The following SLC30A2 variants were observed in gnomAD, a reference collection of about 807,000 sequenced individuals.
SLC30A2 encodes the protein proton-coupled zinc antiporter SLC30A2.
A neutral mutation model predicts 39.6 loss-of-function variants in SLC30A2; 19 were observed. The ratio of observed to expected loss-of-function variants is 0.48; its 90% confidence interval spans 0.34 to 0.70. SLC30A2 has a LOEUF of 0.70. Ranked by LOEUF, SLC30A2 falls within the 30% of genes least tolerant of loss-of-function variation. The pLI, the probability that SLC30A2 is intolerant of heterozygous loss-of-function variation, is 0.01. For missense variants in SLC30A2, 387 were observed against 479.4 expected, an observed-to-expected ratio of 0.81 and a Z score of 1.80; for synonymous variants, 195 against 194.8, an observed-to-expected ratio of 1.00 and a Z score of -0.01.
chr1:26,040,793 A>G (rs1399387459), intron 6 of SLC30A2, among the ~76,000 whole-genome samples: 1 of 152,098 alleles, frequency 6.6e-6, no homozygotes, highest in Non-Finnish European at 1.5e-5. Context: ...CTAGAGCATA[A>G]GAAAGCCAAG....
chr1:26,043,274 G>C (rs1483795649), intron 4 of SLC30A2, 124 bp downstream of exon 4: 7 of 1,040,496 alleles, frequency 6.7e-6, no homozygotes. Context: ...AGACCATTAG[G>C]GAAGTTCTGT....
intron 5 of SLC30A2, among the ~76,000 whole-genome samples, chr1:26,042,266 C>T (rs959779360): frequency 1.3e-5 from 2 of 152,220 alleles, no homozygotes; most frequent in Non-Finnish European, 2.9e-5. Context: ...AACACACAGT[C>T]GTAGGCTTGA....
At chr1:26,044,469 G>C (rs1237299854) in intron 2 of SLC30A2, 25 bp from the exon 3 acceptor site, 14 of 1,608,602 alleles carry the variant, frequency 8.7e-6, no homozygotes, top group Non-Finnish European at 1.2e-5. Context: ...GTCCTTATCA[G>C]CTCCCCCAGA....
At chr1:26,040,965 C>T (rs1404741300) in intron 6 of SLC30A2, among the ~76,000 whole-genome samples, 1 of 149,888 alleles carries the variant, frequency 6.7e-6, no homozygotes, top group Non-Finnish European at 1.5e-5. Flanking sequence ...GACATGGTGG[C>T]ATGCGCCTGT....
chr1:26,046,022 CG>C lies in SLC30A2; in HGVS notation c.-127del, dbSNP rs2050460658. On this transcript the variant is annotated 5_prime_UTR_variant, in exon 1 of 8. Transcript: ENST00000374276. This position sits in a 1 kb window ranked among gnomAD's most constrained non-coding sequence, Gnocchi z 4.4. ...AGGGCCCCGCGAGGTGCGCTCACTC[CG>C]GCCCGGCTCCTGCGGCCCCTGAGCT... 1.4e-6 allele frequency: 2 copies of C among 1,393,640 alleles called. No homozygotes were observed. Among genetic ancestry groups the C allele is most frequent in the Non-Finnish European group, 9.2e-7 (1 of 1,084,642 alleles). 86.3% of individuals were successfully genotyped at this position (1,393,640 alleles called of 1,614,324 possible). A position where few individuals can be genotyped will look rare whatever the true frequency, so the allele number is the denominator to read the frequency against.
chr1:26,044,652 G>A (rs763919827), intron 2 of SLC30A2, among the ~76,000 whole-genome samples: 6 of 152,042 alleles, frequency 3.9e-5, no homozygotes, highest in Non-Finnish European at 5.9e-5. Context: ...CTACTTAGAG[G>A]GTGAATGTGC....
chr1:26,043,457 A>G lies in SLC30A2; in HGVS notation c.513T>C (p.Tyr171=). The G allele has an allele frequency of 3.7e-6, 6 of 1,614,136 alleles. No homozygotes were observed. Among genetic ancestry groups the G allele is most frequent in the Non-Finnish European group, 4.2e-6 (5 of 1,180,026 alleles). ...LAVERLISGD[Y]EIDGGTMLIT... ...TCAGCATGGTCCCCCCGTCAATTTC[A>G]TAGTCCCCAGAGATCAGCCGCTCCA... The change falls in exon 4 of 8, where the codon TAT becomes TAC. Residue 171 remains tyrosine (Y), a synonymous_variant. Coordinates refer to ENST00000374276, the MANE Select transcript of SLC30A2 (RefSeq NM_001004434.3).
At chr1:26,045,617 T>TC (rs1159775429) in intron 1 of SLC30A2, among the ~76,000 whole-genome samples, 3 of 152,086 alleles carry the variant, frequency 2.0e-5, no homozygotes, top group Admixed American at 1.3e-4. Context: ...GAACCGCCAA[T>TC]CCCCCGGCCC....
In SLC30A2 at chr1:26,039,418, C is replaced by T; in HGVS notation, c.974-113G>A. ...GCAGAACAGGATGGGGGACCATGAA[C>T]ATGGAGAAGCCCCCAGATTCCATTC... On this transcript the variant is annotated intron_variant, in intron 7 of 7. Transcript: ENST00000374276. This position sits in a 1 kb window ranked among gnomAD's most constrained non-coding sequence, Gnocchi z 4.3. 1 of 791,128 alleles carries T rather than the reference C, an allele frequency of 1.3e-6. No individual in the cohort carries two copies. The highest frequency in any genetic ancestry group is 2.0e-6 in the Non-Finnish European group (1 of 497,726). The allele number at this position is 791,128 out of a possible 1,614,324, so 49.0% of individuals were successfully genotyped here.
In SLC30A2 at chr1:26,039,727, G is replaced by A. The variant is rs1270723122; in HGVS notation, c.973+50C>T. On this transcript the variant is annotated intron_variant, in intron 7 of 7. Coordinates refer to ENST00000374276, the MANE Select transcript of SLC30A2 (RefSeq NM_001004434.3). This position sits in a 1 kb window ranked among gnomAD's most constrained non-coding sequence, Gnocchi z 4.3. ...CTGGACCCGTTGGGGATGGCACTAG[G>A]CCTTTGGCTGCCTGTCTCCCACCCC... 1.3e-6 allele frequency: 2 copies of A among 1,589,474 alleles called. No homozygotes were observed. Among genetic ancestry groups the A allele is most frequent in the African/African-American group, 2.7e-5 (2 of 74,442 alleles).
In SLC30A2 at chr1:26,039,309, G is replaced by C. The variant is rs1247828052; in HGVS notation, c.974-4C>G. The C allele has an allele frequency of 1.2e-6, 2 of 1,611,336 alleles. No individual in the cohort carries two copies. On this transcript the variant is annotated splice_polypyrimidine_tract_variant and splice_region_variant and intron_variant, in intron 7 of 7. Coordinates refer to ENST00000374276, the MANE Select transcript of SLC30A2 (RefSeq NM_001004434.3). This position sits in a 1 kb window ranked among gnomAD's most constrained non-coding sequence, Gnocchi z 4.3. ...GCCTGGGCGTCTGTATTCTGAGCTG[G>C]GGGCCGAGAGGACACAGCGGGGGAA...
rs1436063314 is a variant in SLC30A2, at chr1:26,042,697, G to A, written c.584C>T (p.Thr195Ile). The A allele has an allele frequency of 6.2e-7, 1 of 1,614,044 alleles. No individual in the cohort carries two copies. The highest frequency in any genetic ancestry group is 1.1e-5 in the South Asian group (1 of 91,084). The change falls in exon 5 of 8, where the codon ACC (threonine) becomes ATC (isoleucine). Residue 195 changes from threonine to isoleucine, a missense_variant. Thr to Ile is a moderately conservative substitution (Grantham distance 89). Coordinates refer to ENST00000374276, the MANE Select transcript of SLC30A2 (RefSeq NM_001004434.3). ...GTGCCCATGGCCAGACTGGTGAAGG[G>A]TCAACCCCATTCTATGGAAGTGGAG... is the stretch of plus-strand genomic sequence containing the variant. ...AVAVNIIMGL[T>I]LHQSGHGHSH...
Position 26,044,986 on chromosome 1 carries a change from A to G in SLC30A2, c.271+11T>C, listed in dbSNP as rs748569420. 1.9e-6 allele frequency: 3 copies of G among 1,613,310 alleles called. No individual in the cohort carries two copies. Among genetic ancestry groups the G allele is most frequent in the South Asian group, 2.2e-5 (2 of 91,054 alleles). On this transcript the variant is annotated intron_variant, in intron 2 of 7. Coordinates refer to ENST00000374276, the MANE Select transcript of SLC30A2 (RefSeq NM_001004434.3). ...GCACCAACTTCATTTAATTAGCCCA[A>G]AAGTGCTTACCAACGACTTCTCCGA...
Position 26,045,353 on chromosome 1 carries a change from G to A in SLC30A2, c.51-136C>T, listed in dbSNP as rs1325831128. The A allele has an allele frequency of 7.2e-6, 5 of 691,168 alleles. No individual in the cohort carries two copies. The East Asian group carries it at 8.1e-5, about 11-fold the overall frequency. 42.8% of individuals were successfully genotyped at this position (691,168 alleles called of 1,614,324 possible). A position where few individuals can be genotyped will look rare whatever the true frequency, so the allele number is the denominator to read the frequency against. ...GACGCTCCGAGCTCGACAAACCAGA[G>A]GTGAGAAGCCTGTATTCAGACGGGG... is the stretch of plus-strand genomic sequence containing the variant. On this transcript the variant is annotated intron_variant, in intron 1 of 7. Coordinates refer to ENST00000374276, the MANE Select transcript of SLC30A2 (RefSeq NM_001004434.3).
intron 2 of SLC30A2, among the ~76,000 whole-genome samples, chr1:26,044,778 C>T (rs529711453): frequency 6.6e-6 from 1 of 152,376 alleles, no homozygotes; most frequent in South Asian, 2.1e-4. Context: ...TGGCAAGTTA[C>T]TTCACCTGAA....
chr1:26,045,785 C>G, intron 1 of SLC30A2, 62 bp downstream of exon 1: 2 of 1,612,788 alleles, frequency 1.2e-6, no homozygotes, highest in Non-Finnish European at 1.7e-6. Context: ...GCTAGGATGG[C>G]AAATGCGGAG....
chr1:26,044,269 C>T, intron 3 of SLC30A2, 29 bp downstream of exon 3: 1 of 1,612,464 alleles, frequency 6.2e-7, no homozygotes, highest in Non-Finnish European at 8.5e-7. Context: ...CTCTCTCAAC[C>T]CCATCTCCAG....
chr1:26,039,701 C>T lies in SLC30A2; in HGVS notation c.973+76G>A, dbSNP rs769315098. ...TGGGCACTGTGAGCATCTGGGGTCA[C>T]CTGGACCCGTTGGGGATGGCACTAG... On this transcript the variant is annotated intron_variant, in intron 7 of 7. Transcript: ENST00000374276. The surrounding 1 kb of genome is among the most constrained non-coding windows in gnomAD (Gnocchi z 4.3). The T allele has an allele frequency of 6.6e-7, 1 of 1,508,860 alleles. No homozygotes were observed. The allele number at this position is 1,508,860 out of a possible 1,614,324, so 93.5% of individuals were successfully genotyped here. A position where few individuals can be genotyped will look rare whatever the true frequency, so the allele number is the denominator to read the frequency against.
At chr1:26,045,547 C>T in intron 1 of SLC30A2, 1 of 601,374 alleles carries the variant, frequency 1.7e-6, no homozygotes, top group East Asian at 2.8e-5. Context: ...GGACACAGGG[C>T]CTCCCCGGGG....
Sources: gnomAD v4.1 joint callset for allele counts (sites outside exome capture counted in the v4.1 genomes callset) on GRCh38, gnomAD v4.1.1 for gene constraint, Gnocchi (gnomAD v3.1) non-coding constraint, MANE v1.5 for transcripts, NCBI Gene and HGNC (gene_info 2026-07-23, HGNC 2026-07-21) for gene names.